The following KDM4C variants were observed in gnomAD, a reference collection of about 807,000 sequenced individuals.
KDM4C encodes lysine-specific demethylase 4C.
In KDM4C, 81 loss-of-function variants were observed where a neutral mutation model predicts 129.3. The observed-to-expected ratio is 0.63, with a 90% CI of 0.52 to 0.75. The LOEUF (loss-of-function observed/expected upper bound fraction) is 0.75. Ranked by LOEUF, KDM4C falls within the 30% of genes least tolerant of loss-of-function variation. KDM4C has a pLI of 0.00. For synonymous variants in KDM4C, 573 were observed against 456.1 expected (o/e 1.26, Z -3.26); for missense variants, 1,457 against 1,304.0 (o/e 1.12, Z -1.81).
chr9:6,895,619 T>C (rs1205277903), intron 8 of KDM4C, among the ~76,000 whole-genome samples: 6 of 152,100 alleles, frequency 3.9e-5, no homozygotes, highest in African/African-American at 1.4e-4. Context: ...GAATCTGCTT[T>C]GGGCTGGGGC....
At chr9:7,007,211 A>T (rs1034348276) in intron 12 of KDM4C, among the ~76,000 whole-genome samples, 1 of 152,256 alleles carries the variant, frequency 6.6e-6, no homozygotes, top group African/African-American at 2.4e-5. Flanking sequence ...CTGTAAATTT[A>T]GAAAGGCTTA....
intron 6 of KDM4C, among the ~76,000 whole-genome samples, chr9:6,883,095 A>G (rs1844730895): frequency 6.6e-6 from 1 of 152,232 alleles, no homozygotes; most frequent in Non-Finnish European, 1.5e-5. Context: ...AAGAGCAGCA[A>G]TAAATAAATC....
chr9:6,778,322 T>G (rs999054934), intron 1 of KDM4C, among the ~76,000 whole-genome samples: 19 of 150,738 alleles, frequency 1.3e-4, no homozygotes, highest in African/African-American at 4.6e-4. Flanking sequence ...ACTCCTGACC[T>G]TAGGTGATCC....
chr9:7,060,739 C>G (rs1378727559), intron 17 of KDM4C, among the ~76,000 whole-genome samples: 1 of 152,078 alleles, frequency 6.6e-6, no homozygotes, highest in African/African-American at 2.4e-5. Context: ...CTCGGCCTCC[C>G]AAAGTGCTGG....
At chr9:6,955,320 G>A (rs1828876288) in intron 8 of KDM4C, among the ~76,000 whole-genome samples, 1 of 152,220 alleles carries the variant, frequency 6.6e-6, no homozygotes, top group Non-Finnish European at 1.5e-5. Context: ...CCAATGCACA[G>A]TTGTGTCAGT....
chr9:7,024,492 C>A (rs532269642), intron 15 of KDM4C, among the ~76,000 whole-genome samples: 6 of 151,422 alleles, frequency 4.0e-5, no homozygotes, highest in African/African-American at 1.5e-4. Flanking sequence ...CGTCCCCCCA[C>A]CCCACAACAG....
chr9:6,958,581 T>G (rs565384730), intron 8 of KDM4C, among the ~76,000 whole-genome samples: 1 of 151,428 alleles, frequency 6.6e-6, no homozygotes, highest in African/African-American at 2.4e-5. Flanking sequence ...AGCAAGACTC[T>G]GTCTGAAAAA....
intron 8 of KDM4C, among the ~76,000 whole-genome samples, chr9:6,939,655 A>C (rs193128831): frequency 6.6e-6 from 1 of 152,268 alleles, no homozygotes; most frequent in East Asian, 1.9e-4. Context: ...TAGAGCTATC[A>C]CATAGTTACT....
At chr9:6,748,366 G>T (rs925629437) in intron 1 of KDM4C, among the ~76,000 whole-genome samples, 1 of 151,928 alleles carries the variant, frequency 6.6e-6, no homozygotes, top group African/African-American at 2.4e-5. Context: ...AATTAGCCAG[G>T]AGTGGTGGCA....
chr9:6,759,091 C>T (rs1818875128), intron 1 of KDM4C, among the ~76,000 whole-genome samples: 1 of 152,026 alleles, frequency 6.6e-6, no homozygotes, highest in African/African-American at 2.4e-5. Flanking sequence ...CCGGAAGAGA[C>T]AAGGTAAACT....
At chr9:7,139,926 G>T (rs1841572248) in intron 19 of KDM4C, among the ~76,000 whole-genome samples, 1 of 152,162 alleles carries the variant, frequency 6.6e-6, no homozygotes, top group Admixed American at 6.5e-5. Flanking sequence ...TAATTAAAAA[G>T]CTTTAGAGCA....
At chr9:7,024,289 G>GT (rs61133083) in intron 15 of KDM4C, among the ~76,000 whole-genome samples, 46,609 of 132,180 alleles carry the variant, frequency 0.35, 8,259 homozygotes, top group African/African-American at 0.45. Flanking sequence ...TAATGTTTTC[G>GT]TTTTTTTTTT....
intron 2 of KDM4C, among the ~76,000 whole-genome samples, chr9:6,804,270 G>A (rs759655703): frequency 2.0e-5 from 3 of 152,206 alleles, no homozygotes; most frequent in Non-Finnish European, 4.4e-5. Flanking sequence ...AGAGTTGATA[G>A]TGCACATCTC....
rs570651020 is a variant in KDM4C, at chr9:6,889,077, C to T, written c.783+1014C>T. ...TGCTGGGATTACAGGCGTGAGCCACCGCGCCCGGCCCTTCTGTGTTTTTTA... is the reference window on the plus strand; with the variant it reads ...TGCTGGGATTACAGGCGTGAGCCACTGCGCCCGGCCCTTCTGTGTTTTTTA... On this transcript the variant is annotated intron_variant, in intron 7 of 21. Transcript: ENST00000381309. Among the ~76,000 whole-genome samples, 45 of 31,388 alleles carry T rather than the reference C, an allele frequency of 1.4e-3. 18 individuals carry two copies. Among genetic ancestry groups the T allele is most frequent in the African/African-American group, 0.01 (44 of 4,250 alleles). The allele number at this position is 31,388 out of a possible 152,430, so 20.6% of individuals were successfully genotyped here. A position where few individuals can be genotyped will look rare whatever the true frequency, so the allele number is the denominator to read the frequency against.
At chr9:6,747,824 G>A (rs1196501488) in intron 1 of KDM4C, among the ~76,000 whole-genome samples, 1 of 152,198 alleles carries the variant, frequency 6.6e-6, no homozygotes, top group Non-Finnish European at 1.5e-5. Flanking sequence ...GCCCTGGAAT[G>A]CCGTCCCTAT....
At chr9:6,842,740 C>T (rs1022193006) in intron 4 of KDM4C, among the ~76,000 whole-genome samples, 5 of 152,114 alleles carry the variant, frequency 3.3e-5, no homozygotes, top group African/African-American at 1.2e-4. Flanking sequence ...TGAGTAATGG[C>T]TGTCTCCTTT....
At chr9:6,982,445 G>A (rs1007906079) in intron 9 of KDM4C, 74 of 152,302 alleles carry the variant, frequency 4.9e-4, no homozygotes, top group African/African-American at 1.7e-3. Flanking sequence ...AGAATAAAAA[G>A]TATTATAGTG....
intron 12 of KDM4C, 45 bp from the exon 13 acceptor site, chr9:7,011,653 C>T (rs1822714173): frequency 1.3e-6 from 2 of 1,542,992 alleles, no homozygotes; most frequent in Non-Finnish European, 9.0e-7. Context: ...TGATTGTTTT[C>T]CCTGGTTCCC....
intron 15 of KDM4C, among the ~76,000 whole-genome samples, chr9:7,029,752 C>G (rs1195108228): frequency 1.3e-5 from 2 of 152,030 alleles, no homozygotes; most frequent in Non-Finnish European, 2.9e-5. Flanking sequence ...TAGAGTGCCA[C>G]AAATATGAAT....
Sources: allele counts gnomAD v4.1 joint callset (sites outside exome capture counted in the v4.1 genomes callset), GRCh38; gene constraint gnomAD v4.1.1; transcripts MANE v1.5; gene names NCBI Gene and HGNC (gene_info 2026-07-23, HGNC 2026-07-21).